The following TTN variants were observed in gnomAD, a reference collection of about 807,000 sequenced individuals.
TTN encodes the protein connectin.
Under a neutral mutation model 3,223.0 loss-of-function variants are expected in TTN, and 1,525 were observed. The ratio of observed to expected loss-of-function variants is 0.47; its 90% CI spans 0.45 to 0.49. The LOEUF is 0.49. Among genes scored for constraint, TTN ranks in the 20% least tolerant of loss-of-function variants. The probability of loss-of-function intolerance (pLI) is 0.00; values close to 1 mark genes in which losing one functional copy is unlikely to be tolerated. For synonymous variants in TTN, 14,094 were observed against 15,161.0 expected (o/e 0.93, Z 5.17); for missense variants, 40,786 against 43,424.0 (o/e 0.94, Z 5.40).
intron 164 of TTN, 42 bp downstream of exon 164, chr2:178,665,666 C>CTAGAGTACATGCACCCTGT (rs2065804968): frequency 1.6e-6 from 2 of 1,284,584 alleles, no homozygotes; most frequent in African/African-American, 3.0e-5. Context: ...ACATGCTAAG[C>CTAGAGTACATGCACCCTGT]ACTCTAATAA....
Position 178,562,926 on chromosome 2 carries a change from C to A in TTN, c.83206G>T (p.Val27736Phe), listed in dbSNP as rs373638788. ...TACCGACCACTGTCAAATCTGGTAA[C>A]ATTATCAATCACCAACATTGTAAAT... Reference protein sequence around the residue: ...SSFTMLVIDNVTRFDSGRYNL... With the variant: ...SSFTMLVIDNFTRFDSGRYNL... Residue 27736 changes from valine (V) to phenylalanine (F), a missense_variant, in exon 326 of 363, where the codon GTT becomes TTT. Transcript: ENST00000589042. 4 of 1,613,606 alleles carry A rather than the reference C, an allele frequency of 2.5e-6. No homozygotes were observed. Among genetic ancestry groups the A allele is most frequent in the Non-Finnish European group, 3.4e-6 (4 of 1,179,746 alleles).
Position 178,732,224 on chromosome 2 carries a change from C to A in TTN, c.16745G>T (p.Arg5582Ile), listed in dbSNP as rs1232658661. 1 of 1,613,744 alleles carries A rather than the reference C, an allele frequency of 6.2e-7. No homozygotes were observed. The highest frequency in any genetic ancestry group is 1.7e-5 in the Admixed American group (1 of 59,992). ...GTGTTTGCTGCTCTCCTTAATTTCT[C>A]TATCATTTGCAAACCATGTTATTTT... ...PIKITWFAND[R>I]EIKESSKHRM... is the part of the protein sequence containing the mutation. Residue 5582 changes from arginine to isoleucine, a missense_variant, in exon 57 of 363, where the codon AGA (arginine) becomes ATA (isoleucine). Physicochemically the swap from Arg to Ile is moderately conservative, Grantham distance 97. Coordinates refer to ENST00000589042, the MANE Select transcript of TTN (RefSeq NM_001267550.2).
chr2:178,605,818 C>T, intron 278 of TTN, 105 bp from the exon 279 acceptor site: 1 of 996,050 alleles, frequency 1.0e-6, no homozygotes, highest in Non-Finnish European at 1.4e-6. Context: ...TTCTGTTTGG[C>T]ATAACCTTAC....
At position 178,559,985 on chromosome 2, in the gene TTN, G is replaced by A. The variant is rs949189486; in HGVS notation, c.86147C>T (p.Thr28716Ile). ...RGTEYTISGLTTGAEYVFRVK... is the reference protein window; with the variant it reads ...RGTEYTISGLITGAEYVFRVK... Reference sequence around the variant, plus strand: ...TCTGAAAACATATTCAGCTCCTGTTGTTAGTCCGCTTATTGTATATTCTGT... The same window carrying A: ...TCTGAAAACATATTCAGCTCCTGTTATTAGTCCGCTTATTGTATATTCTGT... Residue 28716 changes from threonine to isoleucine, a missense_variant, in exon 326 of 363, where the codon ACA becomes ATA. By Grantham distance (89) the Thr-to-Ile change is moderately conservative. Coordinates refer to ENST00000589042, the MANE Select transcript of TTN (RefSeq NM_001267550.2). 4.3e-6 allele frequency: 7 copies of A among 1,613,766 alleles called. No individual in the cohort carries two copies. The highest frequency in any genetic ancestry group is 1.3e-5 in the African/African-American group (1 of 75,032).
rs189177296 is a variant in TTN, at chr2:178,742,370, A to G, written c.11312-449T>C. On this transcript the variant is annotated intron_variant, in intron 47 of 362. Transcript: ENST00000589042. ...TAAAGACTGATTATTTCCAAAATAA[A>G]CCATTGATGTTCTAATTACTGCCTC... 3.3e-5 allele frequency among the ~76,000 whole-genome samples: 5 copies of G among 152,220 alleles called. No individual in the cohort carries two copies. In the East Asian group the frequency reaches 9.7e-4, roughly 29 times the overall value.
In TTN at chr2:178,692,092, C is replaced by T. The variant is rs1352046634; in HGVS notation, c.31686G>A (p.Glu10562=). ...CCTCTGGCACGGGTTTCTTGGGAAC[C>T]TCAGGAACTTTAAAGATACAATTGT... is the stretch of plus-strand genomic sequence containing the variant. ...KVEPPAPKVP[E]VPKKPVPEEK... is the part of the protein sequence containing the mutation. Residue 10562 remains glutamate, a synonymous_variant, in exon 121 of 363, where the codon GAG becomes GAA. Coordinates refer to ENST00000589042, the MANE Select transcript of TTN (RefSeq NM_001267550.2). 1 of 1,611,796 alleles carries T rather than the reference C, an allele frequency of 6.2e-7. No individual in the cohort carries two copies. The highest frequency in any genetic ancestry group is 1.7e-5 in the Admixed American group (1 of 59,920).
rs777752532 is a variant in TTN at position 178,720,020 on chromosome 2, A to G, written c.23622T>C (p.Ala7874=). 3 of 1,612,792 alleles carry G rather than the reference A, an allele frequency of 1.9e-6. No homozygotes were observed. The highest frequency in any genetic ancestry group is 3.3e-5 in the Admixed American group (2 of 59,972). ...GKYICQIKND[A]GMRECSAVLT... Reference sequence around the variant, plus strand: ...AGACTGCAGAGCATTCTCTCATTCCAGCATCGTTTTTGATTTGGCATATAT... The same window carrying G: ...AGACTGCAGAGCATTCTCTCATTCCGGCATCGTTTTTGATTTGGCATATAT... The change falls in exon 81 of 363, where the codon GCT becomes GCC. Residue 7874 remains alanine (A), a synonymous_variant. Transcript: ENST00000589042.
rs763366005 is a variant in TTN, at chr2:178,747,119, C to T, written c.11312-5198G>A. The T allele has an allele frequency of 5.6e-6, 9 of 1,605,248 alleles. No homozygotes were observed. In the African/African-American group the frequency reaches 9.8e-5, roughly 18 times the overall value. ...AGTCTCTCCTGGGGGTGTGGAGTATCTCTCCAGAGTCTCTCCTGGGGGTGT... is the reference window on the plus strand; with the variant it reads ...AGTCTCTCCTGGGGGTGTGGAGTATTTCTCCAGAGTCTCTCCTGGGGGTGT... On this transcript the variant is annotated intron_variant, in intron 47 of 362. Transcript: ENST00000589042.
rs1560553033 is a variant in TTN at position 178,709,650 on chromosome 2, C to G, written c.28669G>C (p.Gly9557Arg). ...GTGTACAAACCAGCGTCGTTCATGC[C>G]TGCTTTCCTGACTTGCAGCACTAAC... ...NTLVLQVRKAGMNDAGLYTCK... is the reference protein window; with the variant it reads ...NTLVLQVRKARMNDAGLYTCK... The change falls in exon 99 of 363, where the codon GGC (glycine) becomes CGC (arginine). Residue 9557 changes from glycine (G) to arginine (R), a missense_variant. Gly to Arg is a moderately radical substitution (Grantham distance 125). Transcript: ENST00000589042. The G allele has an allele frequency of 3.1e-6, 5 of 1,613,918 alleles. No individual in the cohort carries two copies. Among genetic ancestry groups the G allele is most frequent in the Non-Finnish European group, 3.4e-6 (4 of 1,179,818 alleles).
At chr2:178,749,397 T>C (rs2084701599) in intron 47 of TTN, 1 of 1,613,048 alleles carries the variant, frequency 6.2e-7, no homozygotes, top group Non-Finnish European at 8.5e-7. Flanking sequence ...TGCACAAATC[T>C]GGGAATTTTT....
intron 295 of TTN, 130 bp downstream of exon 295, chr2:178,595,377 G>A: frequency 1.3e-6 from 1 of 797,354 alleles, no homozygotes; most frequent in Non-Finnish European, 2.0e-6. Flanking sequence ...ATCAGATACT[G>A]AGTAGTTGTG....
Position 178,572,711 on chromosome 2 carries a change from C to T in TTN, c.73421G>A (p.Ser24474Asn). ...GGTGTAAGAGCTTGTGGATTCGATGCTAGCTTTATCTAAAGATTCTCCATG... is the reference window on the plus strand; with the variant it reads ...GGTGTAAGAGCTTGTGGATTCGATGTTAGCTTTATCTAAAGATTCTCCATG... ...RDHGESLDKA[S>N]IESTSSYTLL... The change falls in exon 326 of 363, where the codon AGC becomes AAC. Residue 24474 changes from serine (S) to asparagine (N), a missense_variant. By Grantham distance (46) the Ser-to-Asn change is conservative. Transcript: ENST00000589042. The T allele has an allele frequency of 6.2e-7, 1 of 1,613,426 alleles. No individual in the cohort carries two copies. Among genetic ancestry groups the T allele is most frequent in the Non-Finnish European group, 8.5e-7 (1 of 1,179,560 alleles).
intron 115 of TTN, 68 bp downstream of exon 115, chr2:178,695,280 T>C (rs1034940437): frequency 1.6e-6 from 2 of 1,275,300 alleles, no homozygotes; most frequent in African/African-American, 2.9e-5. Flanking sequence ...GATTTATACA[T>C]TGCTGCCAAA....
chr2:178,590,553 A>T lies in TTN; in HGVS notation c.61172T>A (p.Val20391Glu). Reference sequence around the variant, plus strand: ...ACCATCACTGAGAGGCTTTGTCCACACCAAATCAGCTGTTTCTCTGCTCTT... The same window carrying T: ...ACCATCACTGAGAGGCTTTGTCCACTCCAAATCAGCTGTTTCTCTGCTCTT... Reference protein sequence around the residue: ...KDKSRETADLVWTKPLSDGGS... With the variant: ...KDKSRETADLEWTKPLSDGGS... The change falls in exon 304 of 363, where the codon GTG (valine) becomes GAG (glutamate). Residue 20391 changes from valine (V) to glutamate (E), a missense_variant. Physicochemically the swap from Val to Glu is moderately radical, Grantham distance 121. Coordinates refer to ENST00000589042, the MANE Select transcript of TTN (RefSeq NM_001267550.2). 6.2e-7 allele frequency: 1 copy of T among 1,612,614 alleles called. No individual in the cohort carries two copies. Among genetic ancestry groups the T allele is most frequent in the Admixed American group, 1.7e-5 (1 of 59,874 alleles).
chr2:178,612,466 T>C lies in TTN; in HGVS notation c.50059A>G (p.Ile16687Val), dbSNP rs727504194. The change falls in exon 266 of 363, where the codon ATT (isoleucine) becomes GTT (valine). Residue 16687 changes from isoleucine (I) to valine (V), a missense_variant. By Grantham distance (29) the Ile-to-Val change is conservative. Coordinates refer to ENST00000589042, the MANE Select transcript of TTN (RefSeq NM_001267550.2). ...CGCCTGACGTCTCTCTTTTCCACAA[T>C]GTAGTTGGTGATGGGGGACCCTCCA... ...KDGGSPITNYIVEKRDVRRKG... is the reference protein window; with the variant it reads ...KDGGSPITNYVVEKRDVRRKG... 44 of 1,612,240 alleles carry C rather than the reference T, an allele frequency of 2.7e-5. No homozygotes were observed. In the Admixed American group the frequency reaches 7.2e-4, roughly 26 times the overall value.
rs1472650919 is a variant in TTN at position 178,721,119 on chromosome 2, C to T, written c.22900G>A (p.Gly7634Ser). 3 of 1,613,186 alleles carry T rather than the reference C, an allele frequency of 1.9e-6. No homozygotes were observed. The highest frequency in any genetic ancestry group is 1.1e-5 in the South Asian group (1 of 91,058). The change falls in exon 79 of 363, where the codon GGC (glycine) becomes AGC (serine). Residue 7634 changes from glycine (G) to serine (S), a missense_variant. By Grantham distance (56) the Gly-to-Ser change is moderately conservative. Coordinates refer to ENST00000589042, the MANE Select transcript of TTN (RefSeq NM_001267550.2). ...CATGAAACTTTGATTTCTGGGGAGCCACTTATTTTACATTCCAGTTGAATG... is the reference window on the plus strand; with the variant it reads ...CATGAAACTTTGATTTCTGGGGAGCTACTTATTTTACATTCCAGTTGAATG... ...ESIQLECKIS[G>S]SPEIKVSWFR...
chr2:178,794,551 C>A lies in TTN; in HGVS notation c.1246G>T (p.Val416Leu). The A allele has an allele frequency of 6.2e-7, 1 of 1,614,158 alleles. No homozygotes were observed. The highest frequency in any genetic ancestry group is 8.5e-7 in the Non-Finnish European group (1 of 1,180,006). The change falls in exon 8 of 363, where the codon GTG (valine) becomes TTG (leucine). Residue 416 changes from valine to leucine, a missense_variant and splice_region_variant. By Grantham distance (32) the Val-to-Leu change is conservative (BLOSUM62 1). Coordinates refer to ENST00000589042, the MANE Select transcript of TTN (RefSeq NM_001267550.2). ...GCACTTTTGTCAGCATCTTGTTTCA[C>A]CTAGATTAGAAATGACCAAGTAGAT... ...AEAVATGAKE[V>L]KQDADKSAAV...
At chr2:178,687,743 A>G (rs925533342) in intron 127 of TTN, among the ~76,000 whole-genome samples, 6 of 152,236 alleles carry the variant, frequency 3.9e-5, no homozygotes, top group Admixed American at 1.3e-4. Context: ...AGAAACACCA[A>G]TTAGGCATTA....
At position 178,722,882 on chromosome 2, in the gene TTN, C is replaced by T. The variant is rs777676361; in HGVS notation, c.22017G>A (p.Ser7339=). 29 of 1,612,742 alleles carry T rather than the reference C, an allele frequency of 1.8e-5. No individual in the cohort carries two copies. Among genetic ancestry groups the T allele is most frequent in the South Asian group, 3.3e-5 (3 of 90,964 alleles). ...LEPLEAAVGD[S]VSLQCQVAGT... ...CAGCAACTTGGCATTGTAAAGAAAC[C>T]GAATCTCCAACTGCTGCCTCCAGAG... Residue 7339 remains serine (S), a synonymous_variant, in exon 76 of 363, where the codon TCG becomes TCA. Coordinates refer to ENST00000589042, the MANE Select transcript of TTN (RefSeq NM_001267550.2).
Sources: gnomAD v4.1 joint callset for allele counts (sites outside exome capture counted in the v4.1 genomes callset) on GRCh38, gnomAD v4.1.1 for gene constraint, MANE v1.5 for transcripts, NCBI Gene and HGNC (gene_info 2026-07-23, HGNC 2026-07-21) for gene names.